The following KIAA1217 variants were observed in gnomAD, a reference collection of about 807,000 sequenced individuals.
KIAA1217 encodes the protein sickle tail protein homolog.
A neutral mutation model predicts 163.9 loss-of-function variants in KIAA1217; 88 were observed. The observed-to-expected ratio is 0.54, with a 90% confidence interval of 0.45 to 0.64. The LOEUF is 0.64. Among genes scored for constraint, KIAA1217 ranks in the 30% least tolerant of loss-of-function variants. The probability of loss-of-function intolerance (pLI) is 0.00; values close to 1 mark genes in which losing one functional copy is unlikely to be tolerated. For missense variants in KIAA1217, 2,372 were observed against 2,475.0 expected (o/e 0.96, Z 0.88); for synonymous variants, 903 against 923.1 (o/e 0.98, Z 0.39).
At chr10:24,464,226 G>A (rs538856017) in intron 5 of KIAA1217, among the ~76,000 whole-genome samples, 1 of 152,238 alleles carries the variant, frequency 6.6e-6, no homozygotes, top group East Asian at 1.9e-4. Flanking sequence ...CTGATTCACC[G>A]CAGGATTGGG....
intron 1 of KIAA1217, among the ~76,000 whole-genome samples, chr10:23,956,466 G>A (rs1387159872): frequency 2.0e-5 from 3 of 151,698 alleles, no homozygotes; most frequent in African/African-American, 7.3e-5. Context: ...TTACCTCACT[G>A]CATTAAAAAA....
chr10:24,484,241 A>ATATATATATATATATATTTTTT (rs1376083298), intron 6 of KIAA1217, among the ~76,000 whole-genome samples: 1 of 75,158 alleles, frequency 1.3e-5, no homozygotes, highest in East Asian at 4.6e-4. Context: ...ATATATATAT[A>ATATATATATATATATATTTTTT]TTTTTTTTTT....
intron 2 of KIAA1217, among the ~76,000 whole-genome samples, chr10:24,061,775 A>G (rs1463900515): frequency 1.3e-5 from 2 of 152,180 alleles, no homozygotes; most frequent in Non-Finnish European, 2.9e-5. Flanking sequence ...GCTCCCTTGT[A>G]TGTGACAAGT....
intron 1 of KIAA1217, among the ~76,000 whole-genome samples, chr10:23,801,805 C>T (rs540230703): frequency 6.6e-6 from 1 of 152,314 alleles, no homozygotes; most frequent in Admixed American, 6.5e-5. Flanking sequence ...CAGATATAAA[C>T]TCAGGCATGG....
chr10:23,895,326 G>A (rs1841628241), intron 1 of KIAA1217, among the ~76,000 whole-genome samples: 1 of 152,104 alleles, frequency 6.6e-6, no homozygotes, highest in African/African-American at 2.4e-5. Flanking sequence ...CAACAAGTGA[G>A]CGAAGGACAT....
At chr10:24,057,902 T>C (rs533887884) in intron 2 of KIAA1217, among the ~76,000 whole-genome samples, 1 of 152,342 alleles carries the variant, frequency 6.6e-6, no homozygotes, top group South Asian at 2.1e-4. Context: ...GCCTTTTAGT[T>C]TGATGTAGTC....
intron 2 of KIAA1217, among the ~76,000 whole-genome samples, chr10:24,048,939 G>A (rs1849269534): frequency 6.7e-6 from 1 of 148,186 alleles, no homozygotes; most frequent in Admixed American, 6.8e-5. Context: ...GCTGAGGCAG[G>A]AGAATTGCTT....
At chr10:23,810,308 A>G (rs1462429834) in intron 1 of KIAA1217, among the ~76,000 whole-genome samples, 1 of 148,102 alleles carries the variant, frequency 6.8e-6, no homozygotes, top group Non-Finnish European at 1.5e-5. Context: ...TATAGTATAT[A>G]TGTGTAGATA....
intron 1 of KIAA1217, among the ~76,000 whole-genome samples, chr10:23,720,354 A>C (rs1280333480): frequency 6.6e-6 from 1 of 152,186 alleles, no homozygotes; most frequent in Non-Finnish European, 1.5e-5. Flanking sequence ...ATTCATTTAA[A>C]ATTTTTACTA....
At chr10:23,939,402 A>G (rs1843662636) in intron 1 of KIAA1217, among the ~76,000 whole-genome samples, 1 of 152,198 alleles carries the variant, frequency 6.6e-6, no homozygotes, top group Admixed American at 6.5e-5. Flanking sequence ...GTAAAAAGAT[A>G]GAAAAAGGTC....
chr10:24,341,867 G>GAA (rs981566896), intron 2 of KIAA1217, among the ~76,000 whole-genome samples: 1 of 142,054 alleles, frequency 7.0e-6, no homozygotes, highest in African/African-American at 2.6e-5. Flanking sequence ...TGGAACTCTG[G>GAA]AAAAAAAAAA....
intron 1 of KIAA1217, among the ~76,000 whole-genome samples, chr10:23,939,803 A>G (rs1391450115): frequency 6.6e-5 from 10 of 151,564 alleles, no homozygotes; most frequent in Admixed American, 5.9e-4. Context: ...CCAAAAACAG[A>G]ATATACATTC....
chr10:24,161,665 G>T (rs550442106), intron 2 of KIAA1217, among the ~76,000 whole-genome samples: 1 of 152,326 alleles, frequency 6.6e-6, no homozygotes, highest in South Asian at 2.1e-4. Context: ...TTCAAGTCTA[G>T]GTTGAGTTGA....
At chr10:23,773,994 A>G (rs990874457) in intron 1 of KIAA1217, among the ~76,000 whole-genome samples, 1 of 152,100 alleles carries the variant, frequency 6.6e-6, no homozygotes, top group African/African-American at 2.4e-5. Context: ...TTCCAACACT[A>G]TGTTGAATAG....
At chr10:23,871,872 C>T (rs1840473284) in intron 1 of KIAA1217, among the ~76,000 whole-genome samples, 1 of 152,022 alleles carries the variant, frequency 6.6e-6, no homozygotes, top group African/African-American at 2.4e-5. Context: ...TCAAATTTCC[C>T]ATTAAAAACA....
chr10:23,969,025 A>G (rs1845188854), intron 1 of KIAA1217, among the ~76,000 whole-genome samples: 1 of 151,898 alleles, frequency 6.6e-6, no homozygotes, highest in Non-Finnish European at 1.5e-5. Context: ...TAGAAGCTCT[A>G]TGTTTTTTTT....
At chr10:24,286,479 T>TACACACACACATACACAC in intron 2 of KIAA1217, among the ~76,000 whole-genome samples, 1 of 150,968 alleles carries the variant, frequency 6.6e-6, no homozygotes, top group Non-Finnish European at 1.5e-5. Flanking sequence ...CACATACACA[T>TACACACACACATACACAC]ACACACACAC....
intron 2 of KIAA1217, among the ~76,000 whole-genome samples, chr10:24,315,535 C>T (rs1488882407): frequency 6.6e-6 from 1 of 152,146 alleles, no homozygotes. Flanking sequence ...CTTGACATAG[C>T]CCATCAACCG....
chr10:24,522,516 C>T (rs2071440468), intron 12 of KIAA1217, among the ~76,000 whole-genome samples: 1 of 152,146 alleles, frequency 6.6e-6, no homozygotes, highest in African/African-American at 2.4e-5. Flanking sequence ...TTGGTCCCAC[C>T]TAGAAAAGAG....
Sources: gnomAD v4.1 joint callset for allele counts (sites outside exome capture counted in the v4.1 genomes callset) on GRCh38, gnomAD v4.1.1 for gene constraint, MANE v1.5 for transcripts, NCBI Gene and HGNC (gene_info 2026-07-23, HGNC 2026-07-21) for gene names.